GPHN: variants seen among roughly 807,000 people sequenced by gnomAD.
GPHN encodes gephyrin.
GPHN carries 17 observed loss-of-function variants against 95.5 expected under a neutral mutation model. The ratio of observed to expected loss-of-function variants is 0.18; its 90% confidence interval spans 0.12 to 0.27. The LOEUF (loss-of-function observed/expected upper bound fraction) is 0.27. Among genes scored for constraint, GPHN ranks in the 10% least tolerant of loss-of-function variants. GPHN has a pLI of 1.00. For missense variants in GPHN, 660 were observed against 978.1 expected (o/e 0.67, Z 4.34); for synonymous variants, 320 against 322.5 (o/e 0.99, Z 0.08).
intron 11 of GPHN, among the ~76,000 whole-genome samples, chr14:67,078,595 A>G (rs1357181730): frequency 6.6e-6 from 1 of 152,152 alleles, no homozygotes; most frequent in Non-Finnish European, 1.5e-5. Context: ...TGCAAGAGAG[A>G]CAGTCCCATG....
At chr14:67,179,127 A>G (rs926067058) in intron 21 of GPHN, among the ~76,000 whole-genome samples, 5 of 152,202 alleles carry the variant, frequency 3.3e-5, no homozygotes, top group African/African-American at 1.2e-4. Flanking sequence ...GCTCATGCCT[A>G]TGATTCCAGC....
intron 10 of GPHN, among the ~76,000 whole-genome samples, chr14:67,037,482 A>G (rs2074479590): frequency 6.6e-6 from 1 of 152,030 alleles, no homozygotes; most frequent in Non-Finnish European, 1.5e-5. Flanking sequence ...TTCTGCATCA[A>G]AGGAAACAAT....
chr14:67,339,447 ATAGT>A, the GPHN span, among the ~76,000 whole-genome samples: 1 of 152,304 alleles, frequency 6.6e-6, no homozygotes, highest in Admixed American at 6.5e-5. Flanking sequence ...ATTATAGACC[ATAGT>A]TAGATGCTAA....
chr14:67,130,496 C>CT (rs1386509862), intron 17 of GPHN, among the ~76,000 whole-genome samples: 4 of 151,606 alleles, frequency 2.6e-5, no homozygotes, highest in South Asian at 2.1e-4. Context: ...ATATGCACCA[C>CT]TTTTTTTTTA....
chr14:67,722,865 G>A, the GPHN span, among the ~76,000 whole-genome samples: 1 of 152,234 alleles, frequency 6.6e-6, no homozygotes, highest in East Asian at 1.9e-4. Flanking sequence ...TGGATACCAT[G>A]GTGGAAAACC....
intron 1 of GPHN, among the ~76,000 whole-genome samples, chr14:66,562,102 C>T (rs571637368): frequency 6.6e-6 from 1 of 152,120 alleles, no homozygotes; most frequent in African/African-American, 2.4e-5. Context: ...ATCTCCACAT[C>T]TCAAAATCCT....
the GPHN span, among the ~76,000 whole-genome samples, chr14:67,505,459 G>A: frequency 6.6e-6 from 1 of 152,210 alleles, no homozygotes; most frequent in Non-Finnish European, 1.5e-5. Flanking sequence ...TGTTGGAGGA[G>A]CCAAGGGAGA....
At chr14:67,052,190 C>G (rs1417213040) in intron 10 of GPHN, among the ~76,000 whole-genome samples, 3 of 152,150 alleles carry the variant, frequency 2.0e-5, no homozygotes, top group Admixed American at 2.0e-4. Context: ...CAAGACCCAT[C>G]AATGTGCTGT....
the GPHN span, among the ~76,000 whole-genome samples, chr14:67,484,864 T>A: frequency 6.6e-6 from 1 of 152,250 alleles, no homozygotes; most frequent in African/African-American, 2.4e-5. Context: ...GTCACCATAA[T>A]ATACTTATTC....
At chr14:67,708,122 G>A in the GPHN span, among the ~76,000 whole-genome samples, 1 of 152,110 alleles carries the variant, frequency 6.6e-6, no homozygotes, top group Admixed American at 6.5e-5. Context: ...ATTAGGCAGA[G>A]AGACACAAAT....
the GPHN span, chr14:67,593,528 A>G: frequency 1.8e-6 from 1 of 551,604 alleles, no homozygotes; most frequent in South Asian, 2.4e-5. Context: ...AGAGAAGGAA[A>G]AAATGCCAGT....
chr14:67,136,645 GT>G (rs2080094220), intron 17 of GPHN, among the ~76,000 whole-genome samples: 1 of 152,104 alleles, frequency 6.6e-6, no homozygotes, highest in Non-Finnish European at 1.5e-5. Context: ...AATGATACTA[GT>G]TTTTCAGGAT....
the GPHN span, among the ~76,000 whole-genome samples, chr14:67,679,372 T>C: frequency 6.6e-6 from 1 of 152,186 alleles, no homozygotes; most frequent in African/African-American, 2.4e-5. Context: ...GTGTTTCATA[T>C]ACCCTCTCTT....
chr14:66,992,837 A>T (rs6573742), intron 9 of GPHN, among the ~76,000 whole-genome samples: 1 of 152,104 alleles, frequency 6.6e-6, no homozygotes, highest in South Asian at 2.1e-4. Context: ...TTCAAATTTC[A>T]GTGTTTAAAA....
chr14:67,678,214 GCT>G, the GPHN span: 5 of 737,312 alleles, frequency 6.8e-6, no homozygotes, highest in Non-Finnish European at 1.2e-5. Flanking sequence ...GGAAGGTTTT[GCT>G]CTCTTTGTGC....
At chr14:67,407,144 C>T in the GPHN span, among the ~76,000 whole-genome samples, 32 of 151,688 alleles carry the variant, frequency 2.1e-4, no homozygotes, top group Admixed American at 5.3e-4. Context: ...TTTTTTGAGA[C>T]GGAGTCTTGC....
At chr14:67,495,846 T>C in the GPHN span, among the ~76,000 whole-genome samples, 1 of 152,270 alleles carries the variant, frequency 6.6e-6, no homozygotes, top group Admixed American at 6.5e-5. Flanking sequence ...TCACACTGCC[T>C]GACTTAGGCC....
the GPHN span, among the ~76,000 whole-genome samples, chr14:67,268,787 C>T: frequency 6.6e-6 from 1 of 152,176 alleles, no homozygotes; most frequent in Admixed American, 6.5e-5. Flanking sequence ...GTGCTGACCT[C>T]CTATCTCATC....
chr14:67,616,480 C>CA, the GPHN span: 38,634 of 147,954 alleles, frequency 0.26, 5,727 homozygotes, highest in Non-Finnish European at 0.34. Context: ...TCTGTAATTG[C>CA]AAAAAAAAAA....
Sources: allele counts gnomAD v4.1 joint callset (sites outside exome capture counted in the v4.1 genomes callset), GRCh38; gene constraint gnomAD v4.1.1; transcripts MANE v1.5; gene names NCBI Gene and HGNC (gene_info 2026-07-23, HGNC 2026-07-21).